Variants in GLIS3 observed in about 807,000 individuals in gnomAD.
GLIS3 encodes GLIS family zinc finger 3, also known as zinc finger protein GLIS3.
In GLIS3, 53 loss-of-function variants were observed where a neutral mutation model predicts 78.6. The observed-to-expected ratio is 0.67, with a 90% confidence interval of 0.54 to 0.85. The LOEUF is 0.85. Among genes scored for constraint, GLIS3 ranks in the 40% least tolerant of loss-of-function variants. GLIS3 has a pLI of 0.00. For missense variants in GLIS3, 1,703 were observed against 1,231.1 expected, an observed-to-expected ratio of 1.38 and a Z score of -5.74; for synonymous variants, 684 against 509.9, an observed-to-expected ratio of 1.34 and a Z score of -4.60.
At chr9:3,958,955 T>C (rs1240120412) in intron 4 of GLIS3, among the ~76,000 whole-genome samples, 1 of 152,236 alleles carries the variant, frequency 6.6e-6, no homozygotes, top group Non-Finnish European at 1.5e-5. Context: ...GAAGTCTGGA[T>C]TAATCTTCAG....
chr9:4,150,301 A>G (rs1283757481), intron 2 of GLIS3, among the ~76,000 whole-genome samples: 1 of 152,226 alleles, frequency 6.6e-6, no homozygotes, highest in Non-Finnish European at 1.5e-5. Context: ...GAGTCCAACC[A>G]GCCACTGACT....
In GLIS3 at chr9:4,195,472, C is replaced by G. The variant is rs556587921; in HGVS notation, c.389-69531G>C. Among the ~76,000 whole-genome samples, 69 of 152,340 alleles carry G rather than the reference C, an allele frequency of 4.5e-4. 2 individuals carry two copies. In the South Asian group the frequency reaches 0.013, roughly 29 times the overall value. On this transcript the variant is annotated intron_variant, in intron 2 of 10. Transcript: ENST00000381971. ...CAGCTGCAGAGGGGATGCCGGGTCC[C>G]CCAGCACTGCCGGCCCGCCAGCACC...
the GLIS3 span, among the ~76,000 whole-genome samples, chr9:4,391,708 T>G: frequency 6.6e-6 from 1 of 152,188 alleles, no homozygotes; most frequent in Non-Finnish European, 1.5e-5. Flanking sequence ...GTTTGTACTG[T>G]CAATAGGGAT....
At position 3,950,544 on chromosome 9, in the gene GLIS3, T is replaced by G. The variant is rs1248701909; in HGVS notation, c.1711-13355A>C. Among the ~76,000 whole-genome samples, 3 of 152,256 alleles carry G rather than the reference T, an allele frequency of 2.0e-5. No individual in the cohort carries two copies. The East Asian group carries it at 5.8e-4, about 29-fold the overall frequency. On this transcript the variant is annotated intron_variant, in intron 4 of 10. Coordinates refer to ENST00000381971, the MANE Select transcript of GLIS3 (RefSeq NM_001042413.2). ...CACCTCAGGGCATTTGCACATGCTA[T>G]TTCCTTTGCCTGGAAAAATGTTTCC...
chr9:4,403,465 G>C, the GLIS3 span, among the ~76,000 whole-genome samples: 1 of 152,124 alleles, frequency 6.6e-6, no homozygotes, highest in African/African-American at 2.4e-5. Context: ...CAAGTAGAAA[G>C]ACTAAATGAT....
At chr9:4,378,204 C>CTATA in the GLIS3 span, among the ~76,000 whole-genome samples, 2 of 151,138 alleles carry the variant, frequency 1.3e-5, no homozygotes, top group Non-Finnish European at 3.0e-5. Context: ...GTGCCAGATA[C>CTATA]TATATATATA....
At chr9:4,326,564 A>G (rs551155393) in intron 2 of GLIS3, among the ~76,000 whole-genome samples, 23 of 94,980 alleles carry the variant, frequency 2.4e-4, no homozygotes, top group African/African-American at 6.4e-4. Flanking sequence ...GTTATTTTTT[A>G]TAGGTACAGA....
At chr9:4,140,379 C>T (rs1465781093) in intron 2 of GLIS3, among the ~76,000 whole-genome samples, 2 of 152,084 alleles carry the variant, frequency 1.3e-5, no homozygotes, top group Non-Finnish European at 2.9e-5. Flanking sequence ...TTTGTTTTTC[C>T]CTAAGCAGTA....
chr9:3,854,708 T>A (rs897703875), intron 9 of GLIS3, among the ~76,000 whole-genome samples: 1 of 149,768 alleles, frequency 6.7e-6, no homozygotes, highest in African/African-American at 2.5e-5. Context: ...GGCTAATTTT[T>A]TTTTTTTTTG....
At chr9:3,879,686 G>T (rs1458085766) in intron 7 of GLIS3, 91 bp from the exon 8 acceptor site, 3 of 1,396,440 alleles carry the variant, frequency 2.1e-6, no homozygotes, top group Non-Finnish European at 3.0e-6. Context: ...CATATTTGAG[G>T]GGCTTGCTTG....
intron 4 of GLIS3, among the ~76,000 whole-genome samples, chr9:3,949,144 C>T (rs559979525): frequency 1.3e-5 from 2 of 152,270 alleles, no homozygotes; most frequent in South Asian, 4.1e-4. Flanking sequence ...AGAAAAAGAA[C>T]ATGTCTCAGA....
chr9:4,458,161 T>C, the GLIS3 span, among the ~76,000 whole-genome samples: 44 of 152,270 alleles, frequency 2.9e-4, no homozygotes, highest in Middle Eastern at 3.4e-3. Context: ...AACTTTGTTC[T>C]CTCTTATTGC....
intron 2 of GLIS3, among the ~76,000 whole-genome samples, chr9:4,251,819 G>A (rs929444826): frequency 6.6e-6 from 1 of 152,134 alleles, no homozygotes; most frequent in African/African-American, 2.4e-5. Flanking sequence ...AAATCTCTAA[G>A]CATTTGCTTG....
chr9:4,140,576 G>C (rs1039419063), intron 2 of GLIS3, among the ~76,000 whole-genome samples: 4 of 152,084 alleles, frequency 2.6e-5, no homozygotes, highest in East Asian at 1.9e-4. Flanking sequence ...GAAATGGAAA[G>C]TACCCAGCTT....
the GLIS3 span, among the ~76,000 whole-genome samples, chr9:4,444,901 T>A: frequency 6.6e-6 from 1 of 152,210 alleles, no homozygotes. Context: ...TTTAGCTCCT[T>A]CCTGCCTAAG....
chr9:3,829,569 C>G (rs1175932424), intron 9 of GLIS3, 77 bp from the exon 10 acceptor site: 17 of 1,472,904 alleles, frequency 1.2e-5, no homozygotes, highest in Non-Finnish European at 1.4e-5. Flanking sequence ...CAGCTAGAAC[C>G]TCACTCAGCC....
chr9:3,941,379 T>C (rs1815905577), intron 4 of GLIS3, among the ~76,000 whole-genome samples: 2 of 151,680 alleles, frequency 1.3e-5, no homozygotes, highest in Middle Eastern at 6.8e-3. Context: ...ATTTATTTTA[T>C]TTTTTTTAAA....
At chr9:4,479,193 T>C in the GLIS3 span, among the ~76,000 whole-genome samples, 19 of 152,240 alleles carry the variant, frequency 1.2e-4, no homozygotes, top group African/African-American at 4.3e-4. Context: ...CCTAGAGTGC[T>C]GGGATTATAG....
At chr9:4,464,526 C>T in the GLIS3 span, among the ~76,000 whole-genome samples, 1 of 152,040 alleles carries the variant, frequency 6.6e-6, no homozygotes, top group Non-Finnish European at 1.5e-5. Context: ...TCCCGAGCAG[C>T]TGGGATTACA....
Sources: allele counts gnomAD v4.1 joint callset (sites outside exome capture counted in the v4.1 genomes callset), GRCh38; gene constraint gnomAD v4.1.1; transcripts MANE v1.5; gene names NCBI Gene and HGNC (gene_info 2026-07-23, HGNC 2026-07-21).